The following BRWD1 variants were observed in gnomAD, a reference collection of about 807,000 sequenced individuals.
The protein encoded by BRWD1 is bromodomain and WD repeat domain containing 1.
A neutral mutation model predicts 251.2 loss-of-function variants in BRWD1; 82 were observed. That is an observed-to-expected ratio of 0.33 (90% CI 0.27 to 0.39). The LOEUF (loss-of-function observed/expected upper bound fraction) is 0.39, where lower values mean the gene tolerates loss of function less well. Among genes scored for constraint, BRWD1 ranks in the 10% least tolerant of loss-of-function variants. The probability of loss-of-function intolerance (pLI) is 1.00; values close to 1 mark genes in which losing one functional copy is unlikely to be tolerated. For synonymous variants in BRWD1, 918 were observed against 902.8 expected (o/e 1.02, Z -0.30); for missense variants, 2,233 against 2,711.6 (o/e 0.82, Z 3.92).
intron 17 of BRWD1, among the ~76,000 whole-genome samples, chr21:39,263,927 A>C (rs1380809168): frequency 2.0e-5 from 3 of 152,214 alleles, no homozygotes; most frequent in African/African-American, 7.2e-5. Context: ...GTATTCTGTC[A>C]AAAATGCATA....
chr21:39,215,357 A>G lies in BRWD1; in HGVS notation c.3665T>C (p.Leu1222Pro), dbSNP rs2032842130. 1 of 1,612,794 alleles carries G rather than the reference A, an allele frequency of 6.2e-7. No homozygotes were observed. ...TCTGACTTCCCAAACTAACGCAGAC[A>G]GCCTCCTTCAAAATAAAGTAGACAA... ...MRLVNRFYRR[L>P]SALVWEVRYI... Residue 1222 changes from leucine (L) to proline (P), a missense_variant, in exon 32 of 41, where the codon CTG becomes CCG. By Grantham distance (98) the Leu-to-Pro change is moderately conservative (BLOSUM62 -3). This residue lies in a region of BRWD1 where 167 missense variants were observed against 183.2 expected (regional missense o/e 0.91). Coordinates refer to ENST00000342449, the MANE Select transcript of BRWD1 (RefSeq NM_033656.4).
chr21:39,222,400 C>T (rs563750612), intron 29 of BRWD1, among the ~76,000 whole-genome samples: 1 of 152,236 alleles, frequency 6.6e-6, no homozygotes, highest in South Asian at 2.1e-4. Flanking sequence ...AGGCCATGGC[C>T]CCTGAAAAAC....
At chr21:39,276,983 T>C (rs547139495) in intron 11 of BRWD1, among the ~76,000 whole-genome samples, 27 of 152,304 alleles carry the variant, frequency 1.8e-4, no homozygotes, top group African/African-American at 6.3e-4. Flanking sequence ...TTTTTATAAA[T>C]ATACAAACAT....
chr21:39,232,593 G>A (rs1298020596), intron 23 of BRWD1, 95 bp from the exon 24 acceptor site: 1 of 1,421,580 alleles, frequency 7.0e-7, no homozygotes, highest in South Asian at 1.4e-5. Context: ...CATTCAGAAT[G>A]ACTATTTTTG....
In BRWD1 at chr21:39,278,728, TGAA is replaced by T. The variant is rs773590128; in HGVS notation, c.1003+12_1003+14del. 84 of 1,552,484 alleles carry T rather than the reference TGAA, an allele frequency of 5.4e-5. No individual in the cohort carries two copies. The highest frequency in any genetic ancestry group is 6.9e-5 in the Non-Finnish European group (80 of 1,156,972). ...AAAAAAAAAAACTAAGAAAAAAATG[TGAA>T]GAAGTTCTTACCAACACTAAAAGAA... On this transcript the variant is annotated intron_variant, in intron 10 of 40. Transcript: ENST00000342449.
intron 29 of BRWD1, among the ~76,000 whole-genome samples, chr21:39,220,409 A>T (rs2033129499): frequency 6.6e-6 from 1 of 152,224 alleles, no homozygotes; most frequent in Admixed American, 6.5e-5. Context: ...GTCAAAAGTA[A>T]ATCAGTTCTA....
intron 21 of BRWD1, among the ~76,000 whole-genome samples, chr21:39,245,212 C>T (rs1028228021): frequency 2.6e-5 from 4 of 151,878 alleles, no homozygotes; most frequent in Admixed American, 2.6e-4. Context: ...CCATGCACTA[C>T]AGCCTACGCA....
At position 39,195,186 on chromosome 21, in the gene BRWD1, G is replaced by T; in HGVS notation, c.*1073C>A. The T allele has an allele frequency of 4.8e-6, 5 of 1,041,174 alleles. No individual in the cohort carries two copies. Among genetic ancestry groups the T allele is most frequent in the Non-Finnish European group, 4.6e-6 (4 of 865,626 alleles). 64.5% of individuals were successfully genotyped at this position (1,041,174 alleles called of 1,614,324 possible). ...GCCCCAGCAAAGAATGCTTAGGATTGCACATGGAAGCAGTAAACTAAAACA... is the reference window on the plus strand; with the variant it reads ...GCCCCAGCAAAGAATGCTTAGGATTTCACATGGAAGCAGTAAACTAAAACA... On this transcript the variant is annotated 3_prime_UTR_variant, in exon 41 of 41. Transcript: ENST00000342449.
intron 40 of BRWD1, 41 bp downstream of exon 40, chr21:39,198,722 T>G: frequency 2.7e-6 from 4 of 1,495,572 alleles, no homozygotes; most frequent in Non-Finnish European, 3.6e-6. Context: ...AAAAGGATGG[T>G]GAGAGTCAAT....
At chr21:39,294,224 C>G (rs1043457594) in intron 7 of BRWD1, among the ~76,000 whole-genome samples, 192 bp from the exon 8 acceptor site, 9 of 152,134 alleles carry the variant, frequency 5.9e-5, no homozygotes, top group African/African-American at 2.2e-4. Context: ...AAGGCAAAGA[C>G]AGTCTACATA....
At chr21:39,297,319 G>A in intron 5 of BRWD1, 1 of 985,404 alleles carries the variant, frequency 1.0e-6, no homozygotes, top group Non-Finnish European at 1.2e-6. Context: ...CCACTATCAT[G>A]ACCAAAGAGC....
Position 39,199,213 on chromosome 21 carries a change from C to T in BRWD1, c.5203G>A (p.Ala1735Thr), listed in dbSNP as rs1202128248. 1 of 1,614,126 alleles carries T rather than the reference C, an allele frequency of 6.2e-7. No homozygotes were observed. The highest frequency in any genetic ancestry group is 1.7e-5 in the Admixed American group (1 of 60,014). Reference sequence around the variant, plus strand: ...GGAGTATGGGACTTGTAACCATTAGCATGCCAATTTTTCCGGGCTACCCGC... The same window carrying T: ...GGAGTATGGGACTTGTAACCATTAGTATGCCAATTTTTCCGGGCTACCCGC... ...DLRVARKNWH[A>T]NGYKSHTPAP... The change falls in exon 40 of 41, where the codon GCT becomes ACT. Residue 1735 changes from alanine to threonine, a missense_variant. By Grantham distance (58) the Ala-to-Thr change is moderately conservative (BLOSUM62 0). Transcript: ENST00000342449.
intron 20 of BRWD1, among the ~76,000 whole-genome samples, chr21:39,248,942 T>C (rs1254027402): frequency 1.3e-5 from 2 of 151,948 alleles, no homozygotes; most frequent in Non-Finnish European, 2.9e-5. Context: ...TTCACAATAG[T>C]ATAAGACATG....
At chr21:39,288,745 T>A (rs1295123954) in intron 8 of BRWD1, among the ~76,000 whole-genome samples, 1 of 152,168 alleles carries the variant, frequency 6.6e-6, no homozygotes, top group East Asian at 1.9e-4. Context: ...AAGAAAATCG[T>A]AAGGAAGAGA....
Position 39,276,169 on chromosome 21 carries a change from T to G in BRWD1, c.1145+4A>C. ...ACACACACACATACAAAACACACAC[T>G]TACCGATCACCATTGTTACAAAATT... On this transcript the variant is annotated splice_donor_region_variant and intron_variant, in intron 12 of 40. Coordinates refer to ENST00000342449, the MANE Select transcript of BRWD1 (RefSeq NM_033656.4). The G allele has an allele frequency of 6.2e-7, 1 of 1,606,896 alleles. No homozygotes were observed. Among genetic ancestry groups the G allele is most frequent in the Non-Finnish European group, 8.5e-7 (1 of 1,175,610 alleles).
upstream of BRWD1, among the ~76,000 whole-genome samples, chr21:39,318,520 T>C (rs1214177395): frequency 6.6e-6 from 1 of 152,172 alleles, no homozygotes; most frequent in Admixed American, 6.5e-5. Flanking sequence ...CAGAACACTA[T>C]ACCACAAACT....
At chr21:39,255,506 T>G (rs2034535546) in intron 19 of BRWD1, 139 bp downstream of exon 19, 3 of 706,518 alleles carry the variant, frequency 4.2e-6, no homozygotes, top group Non-Finnish European at 2.3e-6. Context: ...CTACCACAAT[T>G]AAGATAGTAA....
In BRWD1 at chr21:39,277,320, A is replaced by T. The variant is rs1251138115; in HGVS notation, c.1035T>A (p.Asp345Glu). The T allele has an allele frequency of 6.2e-7, 1 of 1,611,060 alleles. No individual in the cohort carries two copies. Among genetic ancestry groups the T allele is most frequent in the South Asian group, 1.1e-5 (1 of 90,504 alleles). The change falls in exon 11 of 41, where the codon GAT (aspartate) becomes GAA (glutamate). Residue 345 changes from aspartate to glutamate, a missense_variant. By Grantham distance (45) the Asp-to-Glu change is conservative. Around this residue, in one of 12 missense-constraint regions of BRWD1, gnomAD observed 315 missense variants for 421.8 expected, o/e 0.75. Transcript: ENST00000342449. ...CCAAAAAATACATTCTGATTACATG[A>T]TCAGTACTACCTGTGGCTAAAAACA... ...GGMFLATGST[D>E]HVIRMYFLGF...
At chr21:39,203,328 T>A (rs181490756) in intron 37 of BRWD1, among the ~76,000 whole-genome samples, 1 of 151,922 alleles carries the variant, frequency 6.6e-6, no homozygotes, top group East Asian at 1.9e-4. Context: ...TGTGCACATC[T>A]ATGATCGCAG....
Sources: allele counts gnomAD v4.1 joint callset (sites outside exome capture counted in the v4.1 genomes callset), GRCh38; gene constraint gnomAD v4.1.1; regional missense constraint gnomAD v4.1.1; transcripts MANE v1.5; gene names NCBI Gene and HGNC (gene_info 2026-07-23, HGNC 2026-07-21).